The following KHDRBS2 variants were observed in gnomAD, a reference collection of about 807,000 sequenced individuals.
KHDRBS2 encodes KH domain-containing, RNA-binding, signal transduction-associated protein 2.
KHDRBS2 carries 26 observed loss-of-function variants against 44.3 expected under a neutral mutation model. That is an observed-to-expected ratio of 0.59 (90% confidence interval 0.43 to 0.81). KHDRBS2 has a LOEUF of 0.81. Ranked by LOEUF, KHDRBS2 falls within the 40% of genes least tolerant of loss-of-function variation. The pLI, the probability that KHDRBS2 is intolerant of heterozygous loss-of-function variation, is 0.00. For synonymous variants in KHDRBS2, 194 were observed against 151.1 expected (o/e 1.28, Z -2.08); for missense variants, 476 against 433.1 (o/e 1.10, Z -0.88).
chr6:61,805,330 A>G (rs1337433447), intron 6 of KHDRBS2, among the ~76,000 whole-genome samples: 1 of 152,098 alleles, frequency 6.6e-6, no homozygotes. Flanking sequence ...CCTAAATTTC[A>G]TTGTTCATAT....
At chr6:62,207,646 G>A (rs929538899) in intron 1 of KHDRBS2, among the ~76,000 whole-genome samples, 2 of 152,150 alleles carry the variant, frequency 1.3e-5, no homozygotes, top group Admixed American at 6.6e-5. Flanking sequence ...TTAGCTAAGT[G>A]ATATTACAAC....
intron 6 of KHDRBS2, among the ~76,000 whole-genome samples, chr6:61,794,823 C>G (rs1209593382): frequency 6.6e-6 from 1 of 151,964 alleles, no homozygotes; most frequent in East Asian, 1.9e-4. Context: ...GTAAATCTGA[C>G]AAATTCTGCT....
In KHDRBS2 at chr6:61,894,616, A is replaced by T. The variant is rs1802568186; in HGVS notation, c.810+19T>A. The stretch of plus-strand genomic sequence containing the variant: ...TCAATTTAACTCATCCTTACAACTT[A>T]TTTCTTAAGAGTACTTACATATTCT... On this transcript the variant is annotated intron_variant, in intron 6 of 8. Transcript: ENST00000281156. 1.9e-6 allele frequency: 3 copies of T among 1,597,410 alleles called. No individual in the cohort carries two copies. In the African/African-American group the frequency reaches 4.0e-5, roughly 21 times the overall value.
the KHDRBS2 span, among the ~76,000 whole-genome samples, chr6:61,562,791 C>T: frequency 6.6e-5 from 10 of 152,206 alleles, no homozygotes; most frequent in Admixed American, 1.3e-4. Context: ...CTGGATAAAG[C>T]CACATAGCTA....
chr6:61,703,759 C>A (rs183736204), intron 7 of KHDRBS2, among the ~76,000 whole-genome samples: 1 of 151,984 alleles, frequency 6.6e-6, no homozygotes, highest in Admixed American at 6.6e-5. Flanking sequence ...CCAACCAGAA[C>A]CCCCTCTTAA....
At chr6:62,078,742 AGAAAG>A (rs1264881578) in intron 2 of KHDRBS2, among the ~76,000 whole-genome samples, 1 of 152,018 alleles carries the variant, frequency 6.6e-6, no homozygotes, top group Non-Finnish European at 1.5e-5. Context: ...ATTATACCAC[AGAAAG>A]TACATTTAAT....
chr6:61,784,006 A>T (rs1028459331), intron 6 of KHDRBS2, among the ~76,000 whole-genome samples: 5 of 152,024 alleles, frequency 3.3e-5, no homozygotes, highest in Non-Finnish European at 7.4e-5. Context: ...AACAAACCTT[A>T]GAATGACTCT....
At chr6:62,181,615 GA>G (rs1284916586) in intron 1 of KHDRBS2, among the ~76,000 whole-genome samples, 1 of 151,894 alleles carries the variant, frequency 6.6e-6, no homozygotes, top group Non-Finnish European at 1.5e-5. Flanking sequence ...CACTAACTAT[GA>G]AAAACAGTAT....
At chr6:62,162,543 C>CAG (rs1435825423) in intron 2 of KHDRBS2, among the ~76,000 whole-genome samples, 1 of 152,054 alleles carries the variant, frequency 6.6e-6, no homozygotes, top group African/African-American at 2.4e-5. Flanking sequence ...AGATGGATAG[C>CAG]TACTACTGTG....
intron 2 of KHDRBS2, among the ~76,000 whole-genome samples, chr6:62,087,852 T>G (rs1189554423): frequency 6.6e-6 from 1 of 152,232 alleles, no homozygotes; most frequent in Non-Finnish European, 1.5e-5. Context: ...GTTTAGTTTT[T>G]TCACGTAGTC....
chr6:61,685,552 T>C (rs1288726730), intron 8 of KHDRBS2, among the ~76,000 whole-genome samples: 4 of 151,856 alleles, frequency 2.6e-5, no homozygotes, highest in African/African-American at 9.7e-5. Flanking sequence ...CTATCTGTTT[T>C]TTATTAACTT....
chr6:61,681,489 G>A (rs975833122), intron 8 of KHDRBS2, among the ~76,000 whole-genome samples: 6 of 151,802 alleles, frequency 4.0e-5, no homozygotes, highest in African/African-American at 1.5e-4. Context: ...TCTATGGGCT[G>A]GGACCTACGG....
the KHDRBS2 span, among the ~76,000 whole-genome samples, chr6:61,635,836 A>T: frequency 6.6e-6 from 1 of 152,000 alleles, no homozygotes; most frequent in Non-Finnish European, 1.5e-5. Flanking sequence ...TGAGAATGAT[A>T]TCATCTTTTC....
At chr6:62,170,461 A>T (rs150994201) in intron 2 of KHDRBS2, among the ~76,000 whole-genome samples, 130 of 152,274 alleles carry the variant, frequency 8.5e-4, no homozygotes, top group African/African-American at 3.1e-3. Context: ...AGCATCACAG[A>T]GAACTACTGC....
intron 7 of KHDRBS2, among the ~76,000 whole-genome samples, chr6:61,708,910 A>G (rs537318730): frequency 8.4e-4 from 128 of 151,724 alleles, no homozygotes; most frequent in African/African-American, 2.9e-3. Context: ...TACTTTTTCT[A>G]AAAATTATAT....
the KHDRBS2 span, among the ~76,000 whole-genome samples, chr6:61,589,482 A>G: frequency 2.9e-3 from 444 of 152,300 alleles, no homozygotes; most frequent in African/African-American, 0.01. Context: ...TTATTGTTTG[A>G]GTAACTTTTT....
chr6:62,117,269 T>C (rs1290545329), intron 2 of KHDRBS2, among the ~76,000 whole-genome samples: 1 of 152,148 alleles, frequency 6.6e-6, no homozygotes, highest in Non-Finnish European at 1.5e-5. Context: ...CATATGTTGT[T>C]TTTTGTCTTT....
intron 3 of KHDRBS2, among the ~76,000 whole-genome samples, chr6:62,025,870 ATAAACT>A (rs1354980161): frequency 6.6e-6 from 1 of 152,100 alleles, no homozygotes; most frequent in African/African-American, 2.4e-5. Flanking sequence ...TCCTTTAGAC[ATAAACT>A]TTAATTACAT....
At chr6:61,613,021 T>A in the KHDRBS2 span, among the ~76,000 whole-genome samples, 8 of 151,908 alleles carry the variant, frequency 5.3e-5, no homozygotes, top group South Asian at 1.0e-3. Context: ...CCCGGCTAAT[T>A]TTTTGTATTT....
Sources: gnomAD v4.1 joint callset for allele counts (sites outside exome capture counted in the v4.1 genomes callset) on GRCh38, gnomAD v4.1.1 for gene constraint, MANE v1.5 for transcripts, NCBI Gene and HGNC (gene_info 2026-07-23, HGNC 2026-07-21) for gene names.